MYO9A: variants seen among roughly 807,000 people sequenced by gnomAD.
The protein encoded by MYO9A is unconventional myosin-IXa.
MYO9A carries 103 observed loss-of-function variants against 293.3 expected under a neutral mutation model. The observed-to-expected ratio is 0.35, with a 90% CI of 0.30 to 0.41. MYO9A has a LOEUF of 0.41. Among genes scored for constraint, MYO9A ranks in the 10% least tolerant of loss-of-function variants. The pLI is 1.00. For synonymous variants in MYO9A, 1,001 were observed against 1,035.7 expected (o/e 0.97, Z 0.64); for missense variants, 2,685 against 3,033.0 (o/e 0.89, Z 2.69).
intron 15 of MYO9A, among the ~76,000 whole-genome samples, chr15:71,940,908 A>G (rs987865724): frequency 6.6e-6 from 1 of 152,082 alleles, no homozygotes; most frequent in Non-Finnish European, 1.5e-5. Context: ...ATGACAGAGG[A>G]AGACTCCATC....
At position 72,118,128 on chromosome 15, in the gene MYO9A, T is replaced by TGCAGGCGA; in HGVS notation, c.-528_-521dup. 1 of 382,218 alleles carries TGCAGGCGA rather than the reference T, an allele frequency of 2.6e-6. No homozygotes were observed. The highest frequency in any genetic ancestry group is 4.6e-6 in the Non-Finnish European group (1 of 215,988). The allele number at this position is 382,218 out of a possible 1,614,324, so 23.7% of individuals were successfully genotyped here. ...GCCCCGCCCCGCGCGACTCCCCGGC[T>TGCAGGCGA]GCAGGCGAGCAGGCGCGCGCGCACT... On this transcript the variant is annotated 5_prime_UTR_variant, in exon 1 of 42. Coordinates refer to ENST00000356056, the MANE Select transcript of MYO9A (RefSeq NM_006901.4).
chr15:72,041,456 T>TC (rs1281700086), intron 2 of MYO9A: 12 of 356,846 alleles, frequency 3.4e-5, no homozygotes, highest in Non-Finnish European at 4.9e-5. Flanking sequence ...CTTCTTTTTT[T>TC]CCCATGAAAA....
Position 71,935,341 on chromosome 15 carries a change from G to C in MYO9A, c.2522C>G (p.Thr841Arg). 6.2e-7 allele frequency: 1 copy of C among 1,612,836 alleles called. No homozygotes were observed. The highest frequency in any genetic ancestry group is 8.5e-7 in the Non-Finnish European group (1 of 1,179,246). Reference sequence around the variant, plus strand: ...ATTTACATTACTGATTAGTACTGACGTGAGAATTCCATGGGCTCTCTCCAG... The same window carrying C: ...ATTTACATTACTGATTAGTACTGACCTGAGAATTCCATGGGCTCTCTCCAG... Reference protein sequence around the residue: ...KLLERAHGILTRNKNFKSKPA... With the variant: ...KLLERAHGILRRNKNFKSKPA... Residue 841 changes from threonine (T) to arginine (R), a missense_variant and splice_region_variant, in exon 17 of 42, where the codon ACG (threonine) becomes AGG (arginine). Around this residue, in one of 10 missense-constraint regions of MYO9A, gnomAD observed 1,434 missense variants for 1,497.7 expected, o/e 0.96. Coordinates refer to ENST00000356056, the MANE Select transcript of MYO9A (RefSeq NM_006901.4).
chr15:71,879,862 G>T, intron 29 of MYO9A, 25 bp from the exon 30 acceptor site: 1 of 1,441,466 alleles, frequency 6.9e-7, no homozygotes. Flanking sequence ...ACGAGTTTTA[G>T]TACACAATCA....
intron 1 of MYO9A, among the ~76,000 whole-genome samples, chr15:72,096,647 A>T (rs2080073344): frequency 1.3e-5 from 2 of 152,216 alleles, no homozygotes; most frequent in South Asian, 4.1e-4. Context: ...CTTATTATTT[A>T]AAATATTTCA....
rs765264146 is a variant in MYO9A, at chr15:71,906,758, C to CTTTCT, written c.2686-1753_2686-1752insAGAAA. 1.5e-3 allele frequency among the ~76,000 whole-genome samples: 91 copies of CTTTCT among 61,032 alleles called. 11 individuals carry two copies. Among genetic ancestry groups the CTTTCT allele is most frequent in the African/African-American group, 4.1e-3 (64 of 15,724 alleles). The allele number at this position is 61,032 out of a possible 152,430, so 40.0% of individuals were successfully genotyped here. On this transcript the variant is annotated intron_variant, in intron 19 of 41. Transcript: ENST00000356056. ...CCAATCAGATAATATCCATTTCTTT[C>CTTTCT]TTTTTTTTTTTTTTTTTTTTCCTGA...
At chr15:71,887,475 T>C (rs2057054599) in intron 27 of MYO9A, among the ~76,000 whole-genome samples, 2 of 152,120 alleles carry the variant, frequency 1.3e-5, no homozygotes, top group Admixed American at 6.6e-5. Context: ...CTGGAGACAG[T>C]GTAGACCTTT....
chr15:71,983,071 A>G (rs985013546), intron 11 of MYO9A, among the ~76,000 whole-genome samples: 3 of 152,134 alleles, frequency 2.0e-5, no homozygotes, highest in African/African-American at 4.8e-5. Context: ...GTTTTGTATT[A>G]TATCTAGTCT....
chr15:71,892,950 T>C (rs2057221698), intron 26 of MYO9A: 1 of 1,236,384 alleles, frequency 8.1e-7, no homozygotes, highest in South Asian at 1.3e-5. Context: ...TTTTCTTATA[T>C]TGCTGTAAAA....
intron 2 of MYO9A, among the ~76,000 whole-genome samples, chr15:72,040,684 C>A (rs1248382916): frequency 1.3e-5 from 2 of 152,106 alleles, no homozygotes; most frequent in African/African-American, 4.8e-5. Context: ...CAACCTTTGC[C>A]TCCCGAAGAA....
chr15:71,981,008 G>A (rs2076257303), intron 11 of MYO9A, among the ~76,000 whole-genome samples: 1 of 152,050 alleles, frequency 6.6e-6, no homozygotes, highest in Non-Finnish European at 1.5e-5. Context: ...AGAAAAAAAG[G>A]AATAGCTACA....
chr15:72,000,526 A>G (rs2076833040), intron 8 of MYO9A, among the ~76,000 whole-genome samples: 1 of 152,208 alleles, frequency 6.6e-6, no homozygotes, highest in Non-Finnish European at 1.5e-5. Context: ...ACACTTTTAC[A>G]TGTATTAAAT....
At chr15:71,938,389 T>C (rs955184690) in intron 16 of MYO9A, among the ~76,000 whole-genome samples, 3 of 152,114 alleles carry the variant, frequency 2.0e-5, no homozygotes, top group Non-Finnish European at 4.4e-5. Context: ...TATTTGTTAC[T>C]GTCAAATTGT....
At chr15:71,935,532 T>C in intron 16 of MYO9A, 48 bp from the exon 17 acceptor site, 1 of 1,507,282 alleles carries the variant, frequency 6.6e-7, no homozygotes, top group Non-Finnish European at 9.0e-7. Flanking sequence ...TCTCTAACAC[T>C]ATACTGCTTA....
chr15:71,888,462 T>A (rs1175521028), intron 26 of MYO9A: 1 of 156,768 alleles, frequency 6.4e-6, no homozygotes, highest in African/African-American at 2.4e-5. Context: ...GTTTTTCAAA[T>A]CTCCTTTTAT....
intron 15 of MYO9A, among the ~76,000 whole-genome samples, chr15:71,939,672 AAG>A (rs1392092671): frequency 1.2e-4 from 18 of 152,370 alleles, no homozygotes; most frequent in Admixed American, 9.8e-4. Flanking sequence ...ATGAATATAA[AAG>A]AAATTGCTTC....
rs1318418579 is a variant in MYO9A at position 71,852,214 on chromosome 15, T to C, written c.6393A>G (p.Ala2131=). ...NLDDYNIHVI[A]SVFKQWLRDL... is the part of the protein sequence containing the mutation. ...CTCGAAGCCATTGTTTGAATACACT[T>C]GCAATGACGTGTATGTTATAGTCAT... Residue 2131 remains alanine, a synonymous_variant, in exon 36 of 42, where the codon GCA becomes GCG. Coordinates refer to ENST00000356056, the MANE Select transcript of MYO9A (RefSeq NM_006901.4). The C allele has an allele frequency of 1.9e-6, 3 of 1,613,402 alleles. No individual in the cohort carries two copies. The highest frequency in any genetic ancestry group is 2.2e-5 in the South Asian group (2 of 91,024).
chr15:72,041,503 G>C, intron 2 of MYO9A: 1 of 345,494 alleles, frequency 2.9e-6, no homozygotes, highest in Non-Finnish European at 5.6e-6. Context: ...GCATGACCAA[G>C]TTTTCCAGTT....
intron 15 of MYO9A, among the ~76,000 whole-genome samples, chr15:71,951,274 G>T (rs2146546788): frequency 6.6e-6 from 1 of 152,248 alleles, no homozygotes; most frequent in Non-Finnish European, 1.5e-5. Context: ...AAATCATCCA[G>T]ATTTAGAAAG....
Sources: allele counts gnomAD v4.1 joint callset (sites outside exome capture counted in the v4.1 genomes callset), GRCh38; gene constraint gnomAD v4.1.1; regional missense constraint gnomAD v4.1.1; transcripts MANE v1.5; gene names NCBI Gene and HGNC (gene_info 2026-07-23, HGNC 2026-07-21).